The following RBFOX1 variants were observed in gnomAD, a reference collection of about 807,000 sequenced individuals.
The protein encoded by RBFOX1 is RNA binding fox-1 homolog 1, also known as RNA binding protein fox-1 homolog 1.
Under a neutral mutation model 57.7 loss-of-function variants are expected in RBFOX1, and 8 were observed. The ratio of observed to expected loss-of-function variants is 0.14; its 90% confidence interval spans 0.08 to 0.25. The LOEUF is 0.25. RBFOX1 is among the 10% of genes least tolerant of loss of function. The pLI is 1.00. For missense variants in RBFOX1, 611 were observed against 548.5 expected (o/e 1.11, Z -1.14); for synonymous variants, 326 against 222.4 (o/e 1.47, Z -4.15).
chr16:6,825,615 C>T (rs904821335), intron 3 of RBFOX1, among the ~76,000 whole-genome samples: 1 of 152,088 alleles, frequency 6.6e-6, no homozygotes, highest in Non-Finnish European at 1.5e-5. Context: ...ACTGCAACAT[C>T]CTCTCCCTGG....
intron 3 of RBFOX1, among the ~76,000 whole-genome samples, chr16:7,012,921 A>C (rs2093720999): frequency 6.6e-6 from 1 of 152,132 alleles, no homozygotes; most frequent in African/African-American, 2.4e-5. Context: ...CAAGATGGTC[A>C]GGTCCTGGTG....
intron 4 of RBFOX1, among the ~76,000 whole-genome samples, chr16:7,104,461 T>C (rs1270738871): frequency 6.6e-6 from 1 of 152,040 alleles, no homozygotes; most frequent in Non-Finnish European, 1.5e-5. Context: ...TTCTAATTCA[T>C]GGACAAGGAA....
At position 7,175,894 on chromosome 16, in the gene RBFOX1, A is replaced by G. The variant is rs554580351; in HGVS notation, c.27+123796A>G. Among the ~76,000 whole-genome samples, 26 of 152,258 alleles carry G rather than the reference A, an allele frequency of 1.7e-4. 1 individual carries two copies. In the South Asian group the frequency reaches 5.4e-3, roughly 32 times the overall value. ...AGGTTCTTATATTAGCCCTCTGAGC[A>G]TATAAAGGCCCAAAGAAACAGACAC... is the stretch of plus-strand genomic sequence containing the variant. On this transcript the variant is annotated intron_variant, in intron 4 of 15. Transcript: ENST00000550418.
intron 14 of RBFOX1, among the ~76,000 whole-genome samples, chr16:7,688,200 A>T (rs74481935): frequency 0.016 from 2,410 of 146,930 alleles, 68 homozygotes; most frequent in African/African-American, 0.057. Flanking sequence ...ATTGCCTAGT[A>T]GGCATCCTTG....
At chr16:6,277,529 T>G (rs1051121601) in intron 1 of RBFOX1, among the ~76,000 whole-genome samples, 2 of 150,450 alleles carry the variant, frequency 1.3e-5, no homozygotes, top group Non-Finnish European at 2.9e-5. Context: ...CTCAGCACTT[T>G]GAGAGGCTAA....
intron 2 of RBFOX1, among the ~76,000 whole-genome samples, chr16:6,456,389 G>T (rs1165161370): frequency 2.0e-5 from 3 of 152,080 alleles, no homozygotes; most frequent in South Asian, 2.1e-4. Flanking sequence ...GCTTACTGCT[G>T]TTCTGAAGTT....
At chr16:6,720,578 T>C (rs2065785538) in intron 3 of RBFOX1, among the ~76,000 whole-genome samples, 1 of 151,958 alleles carries the variant, frequency 6.6e-6, no homozygotes, top group Non-Finnish European at 1.5e-5. Context: ...AGGAGCATGG[T>C]ATGATGGAGA....
chr16:6,593,127 G>C (rs1203700799), intron 2 of RBFOX1, among the ~76,000 whole-genome samples: 1 of 152,172 alleles, frequency 6.6e-6, no homozygotes, highest in African/African-American at 2.4e-5. Context: ...GGAAGACAGA[G>C]GTTGCAGTGG....
At chr16:7,397,008 C>G (rs2098151061) in intron 4 of RBFOX1, among the ~76,000 whole-genome samples, 1 of 152,128 alleles carries the variant, frequency 6.6e-6, no homozygotes, top group Non-Finnish European at 1.5e-5. Context: ...ATTGGAAACA[C>G]ATAGCCTACA....
At chr16:6,656,469 G>C (rs112864738) in intron 3 of RBFOX1, among the ~76,000 whole-genome samples, 111 of 152,088 alleles carry the variant, frequency 7.3e-4, no homozygotes, top group African/African-American at 2.5e-3. Flanking sequence ...ACTGCCTTTG[G>C]TTAAGACATC....
intron 1 of RBFOX1, among the ~76,000 whole-genome samples, chr16:6,275,153 A>G (rs1385935817): frequency 6.6e-6 from 1 of 152,034 alleles, no homozygotes. Flanking sequence ...GGGCTTGCAA[A>G]GTTAGTATAT....
At chr16:5,984,946 T>TTATATATATA (rs61004841) in intron 4 of RBFOX1, among the ~76,000 whole-genome samples, 55 of 69,648 alleles carry the variant, frequency 7.9e-4, no homozygotes, top group African/African-American at 3.7e-3. Flanking sequence ...GGCAACTCCA[T>TTATATATATA]TATATATATA....
At chr16:6,782,318 T>C (rs1460195065) in intron 3 of RBFOX1, among the ~76,000 whole-genome samples, 2 of 152,192 alleles carry the variant, frequency 1.3e-5, no homozygotes, top group East Asian at 1.9e-4. Flanking sequence ...TAAACTACCA[T>C]CTTAGTACTG....
intron 1 of RBFOX1, among the ~76,000 whole-genome samples, chr16:6,211,477 C>G (rs889425091): frequency 6.6e-6 from 1 of 152,196 alleles, no homozygotes; most frequent in African/African-American, 2.4e-5. Flanking sequence ...ATCCACCCGC[C>G]TCTGCCTCCC....
chr16:6,052,745 C>G (rs2152438322), intron 1 of RBFOX1, among the ~76,000 whole-genome samples: 1 of 151,404 alleles, frequency 6.6e-6, no homozygotes, highest in Non-Finnish European at 1.5e-5. Flanking sequence ...GATCGCGCCA[C>G]TGCACTCCAG....
At chr16:6,096,336 C>T (rs1246385251) in intron 1 of RBFOX1, among the ~76,000 whole-genome samples, 1 of 152,120 alleles carries the variant, frequency 6.6e-6, no homozygotes, top group Non-Finnish European at 1.5e-5. Flanking sequence ...AATCGTTCCC[C>T]AGATGCATTA....
chr16:7,161,446 G>C (rs1567517252), intron 4 of RBFOX1, among the ~76,000 whole-genome samples: 1 of 152,256 alleles, frequency 6.6e-6, no homozygotes, highest in East Asian at 1.9e-4. Context: ...TGAGGCACTT[G>C]AAAAACTCTT....
chr16:5,619,506 C>T (rs527729834), intron 3 of RBFOX1, among the ~76,000 whole-genome samples: 7 of 152,238 alleles, frequency 4.6e-5, no homozygotes, highest in Admixed American at 1.3e-4. Flanking sequence ...TAACAGGGAG[C>T]GATCTTATCC....
chr16:5,379,798 T>A (rs2880071), intron 1 of RBFOX1, among the ~76,000 whole-genome samples: 7,634 of 152,298 alleles, frequency 0.05, 263 homozygotes, highest in East Asian at 0.13. Flanking sequence ...TGATCTGCTT[T>A]ATAGATTAGT....
Sources: gnomAD v4.1 joint callset for allele counts (sites outside exome capture counted in the v4.1 genomes callset) on GRCh38, gnomAD v4.1.1 for gene constraint, MANE v1.5 for transcripts, NCBI Gene and HGNC (gene_info 2026-07-23, HGNC 2026-07-21) for gene names.